CADM2: variants seen among roughly 807,000 people sequenced by gnomAD.
The protein encoded by CADM2 is immunoglobulin superfamily member 4D.
Under a neutral mutation model 49.8 loss-of-function variants are expected in CADM2, and 12 were observed. That is an observed-to-expected ratio of 0.24 (90% CI 0.15 to 0.39). CADM2 has a LOEUF of 0.39. CADM2 is among the 10% of genes least tolerant of loss of function. CADM2 has a pLI of 1.00. For missense variants in CADM2, 378 were observed against 492.3 expected, an observed-to-expected ratio of 0.77 and a Z score of 2.20; for synonymous variants, 214 against 175.4, an observed-to-expected ratio of 1.22 and a Z score of -1.74.
At chr3:85,638,544 TTGA>T (rs2064592554) in intron 1 of CADM2, among the ~76,000 whole-genome samples, 1 of 152,150 alleles carries the variant, frequency 6.6e-6, no homozygotes, top group Non-Finnish European at 1.5e-5. Flanking sequence ...TCACATAATG[TTGA>T]TGTTTTCCAT....
At chr3:85,843,823 C>A (rs1348230429) in intron 3 of CADM2, among the ~76,000 whole-genome samples, 1 of 151,618 alleles carries the variant, frequency 6.6e-6, no homozygotes, top group African/African-American at 2.4e-5. Flanking sequence ...GACAATGTTC[C>A]AAATAGACTT....
intron 6 of CADM2, among the ~76,000 whole-genome samples, chr3:85,920,275 A>G (rs1369746681): frequency 6.6e-6 from 1 of 151,918 alleles, no homozygotes; most frequent in Non-Finnish European, 1.5e-5. Context: ...CAAATTATAT[A>G]TAGCATAAGG....
chr3:85,840,971 A>C (rs1254030676), intron 3 of CADM2, among the ~76,000 whole-genome samples: 2 of 151,778 alleles, frequency 1.3e-5, no homozygotes, highest in Non-Finnish European at 2.9e-5. Flanking sequence ...ACTGAACTCA[A>C]ATACCAGTGA....
intron 2 of CADM2, among the ~76,000 whole-genome samples, chr3:85,770,249 C>G (rs984516055): frequency 2.6e-5 from 4 of 152,036 alleles, no homozygotes; most frequent in Non-Finnish European, 5.9e-5. Context: ...TCTAAAATTT[C>G]AAGAATCCTC....
chr3:85,030,362 A>G (rs941175785), intron 1 of CADM2, among the ~76,000 whole-genome samples: 4 of 152,160 alleles, frequency 2.6e-5, no homozygotes, highest in African/African-American at 9.7e-5. Context: ...TGCAACCTCA[A>G]TGAATGGATC....
At chr3:85,754,389 T>G (rs2069005179) in intron 2 of CADM2, among the ~76,000 whole-genome samples, 1 of 152,152 alleles carries the variant, frequency 6.6e-6, no homozygotes, top group South Asian at 2.1e-4. Context: ...CCTGCTCTGA[T>G]CATGTCTAAC....
At chr3:85,431,456 A>G (rs1307455424) in intron 1 of CADM2, among the ~76,000 whole-genome samples, 1 of 152,096 alleles carries the variant, frequency 6.6e-6, no homozygotes, top group East Asian at 1.9e-4. Context: ...ACCTATCTTT[A>G]GGGTTTTCAG....
At chr3:85,441,441 G>A (rs1240922776) in intron 1 of CADM2, among the ~76,000 whole-genome samples, 1 of 151,920 alleles carries the variant, frequency 6.6e-6, no homozygotes, top group Non-Finnish European at 1.5e-5. Flanking sequence ...TCCATGAAAT[G>A]CTTCATATTT....
rs949646292 is a variant in CADM2 at position 86,074,250 on chromosome 3, G to A, written c.*7467G>A. 1.3e-5 allele frequency: 2 copies of A among 151,762 alleles called. No individual in the cohort carries two copies. The highest frequency in any genetic ancestry group is 2.4e-5 in the African/African-American group (1 of 41,372). 9.4% of individuals were successfully genotyped at this position (151,762 alleles called of 1,614,324 possible). A position where few individuals can be genotyped will look rare whatever the true frequency, so the allele number is the denominator to read the frequency against. ...TCAGATAAGCTTTTAAATTTATGGA[G>A]GATTTTCTTTGTGTCTTTGGAAGTT... On this transcript the variant is annotated 3_prime_UTR_variant, in exon 10 of 10. Transcript: ENST00000383699.
At chr3:85,428,660 A>C (rs2036530356) in intron 1 of CADM2, among the ~76,000 whole-genome samples, 1 of 144,608 alleles carries the variant, frequency 6.9e-6, no homozygotes, top group Admixed American at 7.0e-5. Flanking sequence ...AAAATATATA[A>C]TATATCATAT....
intron 1 of CADM2, among the ~76,000 whole-genome samples, chr3:85,674,381 A>T (rs2065832672): frequency 6.6e-6 from 1 of 152,156 alleles, no homozygotes; most frequent in African/African-American, 2.4e-5. Flanking sequence ...TGTCTAAAGA[A>T]TGATTTATTT....
At chr3:85,754,794 A>T (rs2069029925) in intron 2 of CADM2, among the ~76,000 whole-genome samples, 1 of 152,196 alleles carries the variant, frequency 6.6e-6, no homozygotes, top group African/African-American at 2.4e-5. Context: ...AATTTTTTTA[A>T]AAAGAAACTA....
chr3:85,510,276 G>A (rs1263550454), intron 1 of CADM2, among the ~76,000 whole-genome samples: 1 of 151,854 alleles, frequency 6.6e-6, no homozygotes, highest in African/African-American at 2.4e-5. Flanking sequence ...AAGAAACAAA[G>A]GAAGCTACCT....
At chr3:85,806,374 C>T (rs527507210) in intron 3 of CADM2, among the ~76,000 whole-genome samples, 1 of 152,286 alleles carries the variant, frequency 6.6e-6, no homozygotes, top group South Asian at 2.1e-4. Flanking sequence ...CTCCGAGAGG[C>T]ATCCCGTAGC....
At chr3:85,186,504 A>G (rs948286403) in intron 1 of CADM2, among the ~76,000 whole-genome samples, 2 of 152,116 alleles carry the variant, frequency 1.3e-5, no homozygotes, top group African/African-American at 4.8e-5. Flanking sequence ...TGTTATACTC[A>G]TTATAATTTA....
chr3:85,310,998 G>T (rs1312497630), intron 1 of CADM2, among the ~76,000 whole-genome samples: 1 of 152,114 alleles, frequency 6.6e-6, no homozygotes, highest in East Asian at 1.9e-4. Flanking sequence ...TGATTATTCT[G>T]CCCATGAGAA....
chr3:86,014,849 C>A (rs974324372), intron 8 of CADM2: 2 of 1,515,850 alleles, frequency 1.3e-6, no homozygotes, highest in Non-Finnish European at 1.8e-6. Context: ...TGCCTGACAT[C>A]AAGTTTTTTC....
At chr3:85,697,642 A>G (rs1337554477) in intron 1 of CADM2, among the ~76,000 whole-genome samples, 4 of 152,194 alleles carry the variant, frequency 2.6e-5, no homozygotes, top group Admixed American at 6.5e-5. Context: ...AGATATTTAC[A>G]TGGTCTTCCC....
intron 1 of CADM2, among the ~76,000 whole-genome samples, chr3:85,535,608 G>T (rs2061407101): frequency 6.6e-6 from 1 of 152,118 alleles, no homozygotes. Flanking sequence ...TCTTGTCATT[G>T]CCTTTGGTCA....
Sources: gnomAD v4.1 joint callset for allele counts (sites outside exome capture counted in the v4.1 genomes callset) on GRCh38, gnomAD v4.1.1 for gene constraint, MANE v1.5 for transcripts, NCBI Gene and HGNC (gene_info 2026-07-23, HGNC 2026-07-21) for gene names.